RUNX2: variants seen among roughly 807,000 people sequenced by gnomAD.
The protein encoded by RUNX2 is RUNX family transcription factor 2, also known as runt-related transcription factor 2.
RUNX2 carries 10 observed loss-of-function variants against 51.7 expected under a neutral mutation model. The observed-to-expected ratio is 0.19, with a 90% CI of 0.12 to 0.33. RUNX2 has a LOEUF of 0.33. Among genes scored for constraint, RUNX2 ranks in the 10% least tolerant of loss-of-function variants. The pLI is 1.00. For synonymous variants in RUNX2, 276 were observed against 273.6 expected, an observed-to-expected ratio of 1.01 and a Z score of -0.09; for missense variants, 562 against 691.3, an observed-to-expected ratio of 0.81 and a Z score of 2.10.
intron 7 of RUNX2, among the ~76,000 whole-genome samples, chr6:45,527,925 C>T (rs1801721059): frequency 1.3e-5 from 2 of 152,106 alleles, no homozygotes; most frequent in African/African-American, 4.8e-5. Context: ...TAAAGACATA[C>T]CCAAGAACTG....
chr6:45,399,102 T>C (rs1797642430), intron 2 of RUNX2, among the ~76,000 whole-genome samples: 1 of 152,086 alleles, frequency 6.6e-6, no homozygotes, highest in South Asian at 2.1e-4. Flanking sequence ...ATTAGTGATA[T>C]TATTCACATA....
intron 7 of RUNX2, among the ~76,000 whole-genome samples, chr6:45,521,138 T>C (rs1380441151): frequency 1.3e-5 from 2 of 152,064 alleles, no homozygotes; most frequent in Non-Finnish European, 2.9e-5. Context: ...TTTTGGCACA[T>C]GGTAGGTGCT....
chr6:45,491,014 C>G (rs139128681), intron 5 of RUNX2, among the ~76,000 whole-genome samples: 2 of 152,130 alleles, frequency 1.3e-5, no homozygotes, highest in African/African-American at 4.8e-5. Flanking sequence ...CACCAAGACA[C>G]TAGTATGTCT....
At chr6:45,514,047 C>G (rs867351502) in intron 7 of RUNX2, among the ~76,000 whole-genome samples, 18 of 152,228 alleles carry the variant, frequency 1.2e-4, no homozygotes, top group African/African-American at 4.3e-4. Context: ...TGTTTGGGGT[C>G]CCCTGGGGCT....
chr6:45,422,730 C>A lies in RUNX2; in HGVS notation c.196C>A (p.Gln66Lys). 1 of 1,488,536 alleles carries A rather than the reference C, an allele frequency of 6.7e-7. No individual in the cohort carries two copies. Among genetic ancestry groups the A allele is most frequent in the Non-Finnish European group, 9.1e-7 (1 of 1,104,664 alleles). The allele number at this position is 1,488,536 out of a possible 1,614,324, so 92.2% of individuals were successfully genotyped here. A position where few individuals can be genotyped will look rare whatever the true frequency, so the allele number is the denominator to read the frequency against. Residue 66 changes from glutamine to lysine, a missense_variant, in exon 3 of 9, where the codon CAG becomes AAG. Around this residue, in one of 5 missense-constraint regions of RUNX2, gnomAD observed 153 missense variants for 144.8 expected, o/e 1.06. Transcript: ENST00000647337. ...GCAACAGCAGCAGCAGCAGCAGCAACAGCAGCAGCAGCAGCAGGAGGCGGC... is the reference window on the plus strand; with the variant it reads ...GCAACAGCAGCAGCAGCAGCAGCAAAAGCAGCAGCAGCAGCAGGAGGCGGC... Reference protein sequence around the residue: ...QQQQQQQQQQQQQQQQEAAAA... With the variant: ...QQQQQQQQQQKQQQQQEAAAA...
rs566762624 is a variant in RUNX2 at position 45,399,572 on chromosome 6, G to A, written c.59-23021G>A. Among the ~76,000 whole-genome samples the A allele has an allele frequency of 6.6e-5, 10 of 151,384 alleles. 1 individual carries two copies. The South Asian group carries it at 2.1e-3, about 32-fold the overall frequency. ...ACGGGGTTTCACCATGTTGGTCAGG[G>A]TAGTCTTGAACTCCTGACCTCATGA... On this transcript the variant is annotated intron_variant, in intron 2 of 8. Transcript: ENST00000647337.
intron 5 of RUNX2, among the ~76,000 whole-genome samples, chr6:45,475,417 A>G (rs146341536): frequency 5.0e-4 from 76 of 152,298 alleles, no homozygotes; most frequent in African/African-American, 1.7e-3. Flanking sequence ...GGAGACTAAC[A>G]CTATATGTCT....
intron 5 of RUNX2, among the ~76,000 whole-genome samples, chr6:45,477,882 C>T (rs1429433538): frequency 6.6e-6 from 1 of 152,162 alleles, no homozygotes; most frequent in East Asian, 1.9e-4. Context: ...GGATGAAGTT[C>T]AGACTTGGTG....
intron 5 of RUNX2, among the ~76,000 whole-genome samples, chr6:45,471,318 T>C (rs1156935990): frequency 6.6e-6 from 1 of 152,168 alleles, no homozygotes; most frequent in Non-Finnish European, 1.5e-5. Context: ...GAGATATTTA[T>C]GGATATAAGT....
At chr6:45,537,939 C>T (rs1278959765) in intron 7 of RUNX2, among the ~76,000 whole-genome samples, 1 of 152,194 alleles carries the variant, frequency 6.6e-6, no homozygotes, top group African/African-American at 2.4e-5. Context: ...TTTCAAGTCT[C>T]TTGTTTTATC....
At chr6:45,494,391 G>A (rs150166444) in intron 6 of RUNX2, among the ~76,000 whole-genome samples, 2 of 152,328 alleles carry the variant, frequency 1.3e-5, no homozygotes, top group East Asian at 3.9e-4. Context: ...TTCTGAAAAT[G>A]AAAATATAAA....
At chr6:45,337,567 A>G (rs1788844633) in intron 2 of RUNX2, among the ~76,000 whole-genome samples, 1 of 151,804 alleles carries the variant, frequency 6.6e-6, no homozygotes, top group Non-Finnish European at 1.5e-5. Context: ...CCAGAAACTC[A>G]AGGGTACCTA....
intron 2 of RUNX2, among the ~76,000 whole-genome samples, chr6:45,340,446 C>T (rs1478571791): frequency 6.6e-6 from 1 of 152,008 alleles, no homozygotes; most frequent in African/African-American, 2.4e-5. Flanking sequence ...GACTCAGCAT[C>T]CCAGGTAGCT....
intron 2 of RUNX2, among the ~76,000 whole-genome samples, chr6:45,331,908 T>C (rs1263899638): frequency 3.9e-5 from 6 of 152,036 alleles, no homozygotes; most frequent in Non-Finnish European, 5.9e-5. Context: ...TTCGGTAAGA[T>C]AGAAATGTTC....
At chr6:45,490,579 C>G (rs1413139940) in intron 5 of RUNX2, among the ~76,000 whole-genome samples, 1 of 152,158 alleles carries the variant, frequency 6.6e-6, no homozygotes, top group Non-Finnish European at 1.5e-5. Context: ...TTGGGAAATT[C>G]TAATGTTCAA....
At chr6:45,461,761 T>TG (rs918509873) in intron 5 of RUNX2, among the ~76,000 whole-genome samples, 24 of 152,150 alleles carry the variant, frequency 1.6e-4, no homozygotes, top group African/African-American at 5.6e-4. Flanking sequence ...TATTTTTTTT[T>TG]TTTGTTTTTT....
chr6:45,401,813 G>C (rs1230406614), intron 2 of RUNX2, among the ~76,000 whole-genome samples: 1 of 152,194 alleles, frequency 6.6e-6, no homozygotes, highest in Non-Finnish European at 1.5e-5. Flanking sequence ...TCCTACCCCA[G>C]CTGCAGCCTT....
chr6:45,405,873 C>A (rs1390467143), intron 2 of RUNX2, among the ~76,000 whole-genome samples: 1 of 152,130 alleles, frequency 6.6e-6, no homozygotes, highest in African/African-American at 2.4e-5. Flanking sequence ...TCACATCTAG[C>A]ATTACGATTT....
At chr6:45,484,213 T>C (rs1279598352) in intron 5 of RUNX2, among the ~76,000 whole-genome samples, 1 of 152,128 alleles carries the variant, frequency 6.6e-6, no homozygotes, top group African/African-American at 2.4e-5. Context: ...TGGAGGCCCA[T>C]TCCTGAAGAA....
Sources: allele counts gnomAD v4.1 joint callset (sites outside exome capture counted in the v4.1 genomes callset), GRCh38; gene constraint gnomAD v4.1.1; regional missense constraint gnomAD v4.1.1; transcripts MANE v1.5; gene names NCBI Gene and HGNC (gene_info 2026-07-23, HGNC 2026-07-21).